Variants in IRAG2 observed in about 807,000 individuals in gnomAD.
IRAG2 encodes inositol 1,4,5-triphosphate receptor associated 2, also known as lymphoid restricted membrane protein.
A neutral mutation model predicts 69.9 loss-of-function variants in IRAG2; 45 were observed. The ratio of observed to expected loss-of-function variants is 0.64; its 90% CI spans 0.51 to 0.83. The LOEUF is 0.83. Ranked by LOEUF, IRAG2 falls within the 40% of genes least tolerant of loss-of-function variation. The pLI is 0.00. For synonymous variants in IRAG2, 193 were observed against 202.4 expected (o/e 0.95, Z 0.40); for missense variants, 520 against 587.0 (o/e 0.89, Z 1.18).
At chr12:25,026,684 G>A (rs1944624602) in intron 8 of IRAG2, 1 of 450,846 alleles carries the variant, frequency 2.2e-6, no homozygotes, top group East Asian at 3.6e-5. Flanking sequence ...AGATAAAAAG[G>A]CAATACTGAG....
At chr12:25,000,024 C>G (rs749355100), upstream of IRAG2, among the ~76,000 whole-genome samples, 2 of 152,194 alleles carry the variant, frequency 1.3e-5, no homozygotes, top group Admixed American at 6.5e-5. Context: ...ATAGCTGTAT[C>G]TTCCACAGAC....
At chr12:25,041,043 T>C (rs1196731062) in intron 16 of IRAG2, among the ~76,000 whole-genome samples, 1 of 152,076 alleles carries the variant, frequency 6.6e-6, no homozygotes, top group African/African-American at 2.4e-5. Flanking sequence ...GAGTGATGAA[T>C]TGAGTAGAGA....
chr12:25,050,548 CAAACA>C (rs1212266772), upstream of IRAG2, among the ~76,000 whole-genome samples: 1 of 74,242 alleles, frequency 1.3e-5, no homozygotes, highest in South Asian at 4.3e-4. Context: ...AACAAACAAA[CAAACA>C]AAAAAAAACA....
intron 1 of IRAG2, among the ~76,000 whole-genome samples, chr12:25,055,227 C>G (rs890923250): frequency 6.6e-6 from 1 of 152,192 alleles, no homozygotes; most frequent in East Asian, 1.9e-4. Flanking sequence ...AAATCCTGAA[C>G]TTTATCTTGA....
At chr12:25,060,359 C>CT (rs1315896959) in intron 1 of IRAG2, among the ~76,000 whole-genome samples, 1 of 152,094 alleles carries the variant, frequency 6.6e-6, no homozygotes, top group Non-Finnish European at 1.5e-5. Flanking sequence ...ATATTAGGTA[C>CT]TTTTCCCCCA....
At chr12:25,079,141 A>G in intron 6 of IRAG2, 103 bp from the exon 7 acceptor site, 1 of 1,127,212 alleles carries the variant, frequency 8.9e-7, no homozygotes, top group South Asian at 1.3e-5. Context: ...CTGAGTAAAT[A>G]TGGGTTCATT....
At chr12:25,105,523 C>T (rs1324972014) in intron 20 of IRAG2, among the ~76,000 whole-genome samples, 1 of 151,970 alleles carries the variant, frequency 6.6e-6, no homozygotes, top group Non-Finnish European at 1.5e-5. Context: ...TGACATGGTG[C>T]AATCCTCAAA....
In IRAG2 at chr12:25,070,253, G is replaced by A. The variant is rs142185203; in HGVS notation, c.24+822G>A. ...CCCAGAAATAAACTGCGTACCCATTGGTAGTCTCTCCCTATTTCCTCCTGT... is the reference window on the plus strand; with the variant it reads ...CCCAGAAATAAACTGCGTACCCATTAGTAGTCTCTCCCTATTTCCTCCTGT... On this transcript the variant is annotated intron_variant, in intron 6 of 21. Transcript: ENST00000556887. Among the ~76,000 whole-genome samples the A allele has an allele frequency of 1.1e-3, 160 of 152,210 alleles. 1 individual carries two copies. Among genetic ancestry groups the A allele is most frequent in the African/African-American group, 3.6e-3 (149 of 41,526 alleles).
intron 7 of IRAG2, among the ~76,000 whole-genome samples, chr12:25,021,676 A>C (rs1944582364): frequency 6.6e-6 from 1 of 152,240 alleles, no homozygotes; most frequent in African/African-American, 2.4e-5. Context: ...GCAGTACTCT[A>C]GTATCATTAA....
At chr12:25,054,639 T>A (rs917017597) in intron 1 of IRAG2, among the ~76,000 whole-genome samples, 1 of 152,218 alleles carries the variant, frequency 6.6e-6, no homozygotes, top group Non-Finnish European at 1.5e-5. Flanking sequence ...TTTTTCTGCC[T>A]GGATAACGTA....
chr12:25,054,231 T>C (rs1945076319), intron 1 of IRAG2, among the ~76,000 whole-genome samples: 1 of 152,238 alleles, frequency 6.6e-6, no homozygotes, highest in Admixed American at 6.5e-5. Context: ...AGTCTGTGTG[T>C]TATTTTACTA....
chr12:25,005,802 A>G (rs1944426150), intron 2 of IRAG2, among the ~76,000 whole-genome samples: 1 of 152,224 alleles, frequency 6.6e-6, no homozygotes, highest in East Asian at 1.9e-4. Context: ...CAAAAACCCT[A>G]GGAAATACCA....
chr12:25,015,150 G>GTTTTTTTT (rs1436751678), intron 3 of IRAG2: 11 of 933,868 alleles, frequency 1.2e-5, no homozygotes, highest in Admixed American at 7.7e-5. Context: ...TAGCTCACTG[G>GTTTTTTTT]TTTTGTTTTT....
chr12:25,107,047 C>T lies in IRAG2; in HGVS notation c.1253C>T (p.Ser418Leu), dbSNP rs1002402141. ...AATCCATCAAAGTGGGATGTCTCTT[C>T]AGTGTAAGTTATCTACTTGATAAAT... ...KNNPSKWDVS[S>L]VYDTIASWAT... The change falls in exon 21 of 22, where the codon TCA becomes TTA. Residue 418 changes from serine (S) to leucine (L), a missense_variant. Ser to Leu is a moderately radical substitution (Grantham distance 145, BLOSUM62 -2). Transcript: ENST00000556887. 3.2e-6 allele frequency: 5 copies of T among 1,556,578 alleles called. No individual in the cohort carries two copies. The Admixed American group carries it at 8.6e-5, about 27-fold the overall frequency.
rs1944422798 is a variant in IRAG2 at position 25,005,316 on chromosome 12, TCA to T, written c.653_654del (p.Thr218LysfsTer4). On this transcript the variant is annotated frameshift_variant, in exon 2 of 39. Transcript: ENST00000636465. LOFTEE classifies it high-confidence loss of function. ...AACAGGGCCTGTAAAGAAGAGGCAC[TCA>T]CAAGTATTTTTAATGCATGTGACAT... is the stretch of plus-strand genomic sequence containing the variant. 1.6e-6 allele frequency: 2 copies of T among 1,230,854 alleles called. No individual in the cohort carries two copies. Among genetic ancestry groups the T allele is most frequent in the Non-Finnish European group, 2.0e-6 (2 of 986,878 alleles). The allele number at this position is 1,230,854 out of a possible 1,614,324, so 76.2% of individuals were successfully genotyped here.
chr12:25,075,598 A>T (rs1290340210), intron 6 of IRAG2: 3 of 147,254 alleles, frequency 2.0e-5, no homozygotes, highest in Admixed American at 6.9e-5. Flanking sequence ...CCATGGGAGA[A>T]TCTGTTTCAT....
At chr12:25,035,542 C>A (rs1168023967) in intron 13 of IRAG2, 1 of 396,784 alleles carries the variant, frequency 2.5e-6, no homozygotes, top group African/African-American at 2.1e-5. Context: ...CTATTGAGAA[C>A]CAAATGACAA....
chr12:25,009,548 A>G (rs986087619), intron 2 of IRAG2, among the ~76,000 whole-genome samples: 3 of 152,196 alleles, frequency 2.0e-5, no homozygotes, highest in African/African-American at 2.4e-5. Context: ...AGAGATATTT[A>G]TATTTGTATC....
intron 10 of IRAG2, 116 bp downstream of exon 10, chr12:25,083,609 C>T (rs10743537): frequency 1.9e-5 from 12 of 631,458 alleles, no homozygotes; most frequent in African/African-American, 9.6e-5. Flanking sequence ...AATATTATGA[C>T]GTTCATATAA....
Sources: allele counts gnomAD v4.1 joint callset (sites outside exome capture counted in the v4.1 genomes callset), GRCh38; gene constraint gnomAD v4.1.1; transcripts MANE v1.5; gene names NCBI Gene and HGNC (gene_info 2026-07-23, HGNC 2026-07-21).